Variants in SUGCT observed in about 807,000 individuals in gnomAD.
The protein encoded by SUGCT is succinyl-CoA:glutarate CoA-transferase.
SUGCT carries 41 observed loss-of-function variants against 55.0 expected under a neutral mutation model. The ratio of observed to expected loss-of-function variants is 0.74; its 90% CI spans 0.58 to 0.97. The LOEUF is 0.97. Ranked by LOEUF, SUGCT falls within the 50% of genes least tolerant of loss-of-function variation. The pLI is 0.00. For synonymous variants in SUGCT, 187 were observed against 200.4 expected (o/e 0.93, Z 0.56); for missense variants, 568 against 547.8 (o/e 1.04, Z -0.37).
chr7:41,027,268 A>C, the SUGCT span, among the ~76,000 whole-genome samples: 1 of 152,122 alleles, frequency 6.6e-6, no homozygotes, highest in African/African-American at 2.4e-5. Context: ...TCAGGGCAAG[A>C]GTCCCAAGGA....
chr7:40,613,799 G>A (rs1230062289), intron 12 of SUGCT, among the ~76,000 whole-genome samples: 5 of 152,116 alleles, frequency 3.3e-5, no homozygotes, highest in African/African-American at 7.2e-5. Context: ...TAGTAGAAAC[G>A]GGGTTTCTCC....
chr7:40,526,612 G>A (rs897375773), intron 12 of SUGCT, among the ~76,000 whole-genome samples: 1 of 152,154 alleles, frequency 6.6e-6, no homozygotes, highest in Non-Finnish European at 1.5e-5. Context: ...AGAACCAGTG[G>A]TTTGGGAGGG....
chr7:40,454,351 A>T (rs1583719257), intron 10 of SUGCT, among the ~76,000 whole-genome samples: 1 of 152,328 alleles, frequency 6.6e-6, no homozygotes, highest in East Asian at 1.9e-4. Flanking sequence ...AAACTGAAAA[A>T]AATCTATGCA....
chr7:40,863,974 A>G (rs74431782), downstream of SUGCT, among the ~76,000 whole-genome samples: 1,896 of 152,058 alleles, frequency 0.012, 18 homozygotes, highest in Non-Finnish European at 0.019. Context: ...AAAATTAAAA[A>G]CCCATCACAG....
chr7:40,298,192 T>TA (rs879865961), intron 8 of SUGCT, among the ~76,000 whole-genome samples: 128 of 142,886 alleles, frequency 9.0e-4, no homozygotes, highest in Admixed American at 3.2e-3. Context: ...TATCTTGATT[T>TA]AAAAAAAAAA....
intron 12 of SUGCT, among the ~76,000 whole-genome samples, chr7:40,611,673 G>A (rs928758932): frequency 6.6e-6 from 1 of 152,178 alleles, no homozygotes; most frequent in African/African-American, 2.4e-5. Flanking sequence ...TTGGGTATCT[G>A]CCAAGCTTTC....
chr7:40,240,845 A>T (rs1196834463), intron 7 of SUGCT, among the ~76,000 whole-genome samples: 1 of 152,186 alleles, frequency 6.6e-6, no homozygotes, highest in Non-Finnish European at 1.5e-5. Context: ...GTTGTCGGTC[A>T]GGGAAGGCAT....
In SUGCT at chr7:40,377,455, C is replaced by T. The variant is rs533537670; in HGVS notation, c.816+60600C>T. Among the ~76,000 whole-genome samples the T allele has an allele frequency of 2.0e-5, 3 of 151,614 alleles. No homozygotes were observed. The South Asian group carries it at 6.3e-4, about 32-fold the overall frequency. On this transcript the variant is annotated intron_variant, in intron 9 of 13. Coordinates refer to ENST00000335693, the MANE Select transcript of SUGCT (RefSeq NM_001193313.2). ...ATGGGGTTTCACCATGCTGGCCAGGCTGGTCTCGATCTTCTCACCTCAGGT... is the reference window on the plus strand; with the variant it reads ...ATGGGGTTTCACCATGCTGGCCAGGTTGGTCTCGATCTTCTCACCTCAGGT...
the SUGCT span, among the ~76,000 whole-genome samples, chr7:40,938,536 G>T: frequency 0.017 from 2,622 of 151,966 alleles, 77 homozygotes; most frequent in African/African-American, 0.061. Flanking sequence ...TGAAGTACAA[G>T]TGGTTTTTGG....
At chr7:40,213,017 A>C (rs1029870522) in intron 6 of SUGCT, among the ~76,000 whole-genome samples, 1 of 152,240 alleles carries the variant, frequency 6.6e-6, no homozygotes, top group East Asian at 1.9e-4. Flanking sequence ...AAGCCAGAAA[A>C]AATTTAAAAC....
At chr7:40,745,965 G>A (rs1376324018) in intron 12 of SUGCT, among the ~76,000 whole-genome samples, 1 of 152,184 alleles carries the variant, frequency 6.6e-6, no homozygotes, top group Non-Finnish European at 1.5e-5. Flanking sequence ...AGGTGATAGA[G>A]GTTGGGGTGT....
intron 12 of SUGCT, among the ~76,000 whole-genome samples, chr7:40,668,281 G>A (rs992392015): frequency 1.2e-4 from 18 of 152,194 alleles, no homozygotes; most frequent in East Asian, 1.9e-4. Context: ...AAACAACTCC[G>A]AGGTATTTAA....
the SUGCT span, among the ~76,000 whole-genome samples, chr7:41,001,676 G>C: frequency 6.6e-6 from 1 of 152,152 alleles, no homozygotes; most frequent in African/African-American, 2.4e-5. Context: ...GGGTGAGAGA[G>C]ATCTCTGGGG....
intron 9 of SUGCT, among the ~76,000 whole-genome samples, chr7:40,370,607 AGGAGAGAGAGAGATGGG>A (rs1784248529): frequency 7.2e-6 from 1 of 138,412 alleles, no homozygotes; most frequent in Admixed American, 7.2e-5. Flanking sequence ...AGAGAGAGAG[AGGAGAGAGAGAGATGGG>A]GGAGAGAGAG....
At chr7:40,429,851 C>G (rs150548782) in intron 9 of SUGCT, among the ~76,000 whole-genome samples, 2 of 152,274 alleles carry the variant, frequency 1.3e-5, no homozygotes, top group Admixed American at 1.3e-4. Context: ...AGTACCCTCT[C>G]TTTTGTTCTG....
At chr7:40,182,150 TTG>T (rs1785248542) in intron 3 of SUGCT, 122 bp downstream of exon 3, 1 of 624,400 alleles carries the variant, frequency 1.6e-6, no homozygotes, top group African/African-American at 1.8e-5. Context: ...AATGAAATGA[TTG>T]TCTTTTTCTT....
At chr7:40,362,178 G>T (rs1286168777) in intron 9 of SUGCT, among the ~76,000 whole-genome samples, 1 of 152,018 alleles carries the variant, frequency 6.6e-6, no homozygotes, top group African/African-American at 2.4e-5. Context: ...CAGCACTTTG[G>T]GAGGCCGAGG....
downstream of SUGCT, among the ~76,000 whole-genome samples, chr7:40,862,018 G>A (rs1478984901): frequency 6.6e-6 from 1 of 152,132 alleles, no homozygotes; most frequent in Non-Finnish European, 1.5e-5. Flanking sequence ...AGATTAGATG[G>A]CAGAGAATTG....
At chr7:40,850,862 A>G (rs1446114715) in intron 13 of SUGCT, among the ~76,000 whole-genome samples, 2 of 152,226 alleles carry the variant, frequency 1.3e-5, no homozygotes, top group Non-Finnish European at 1.5e-5. Flanking sequence ...TAGGTCTGAA[A>G]TTAGCAGGTG....
Sources: allele counts gnomAD v4.1 joint callset (sites outside exome capture counted in the v4.1 genomes callset), GRCh38; gene constraint gnomAD v4.1.1; transcripts MANE v1.5; gene names NCBI Gene and HGNC (gene_info 2026-07-23, HGNC 2026-07-21).